Variants in TMEM108 observed in about 807,000 individuals in gnomAD.
The protein encoded by TMEM108 is cancer/testis antigen 124.
Under a neutral mutation model 35.1 loss-of-function variants are expected in TMEM108, and 12 were observed. The observed-to-expected ratio is 0.34, with a 90% CI of 0.22 to 0.55. TMEM108 has a LOEUF of 0.55. Among genes scored for constraint, TMEM108 ranks in the 20% least tolerant of loss-of-function variants. The pLI, the probability that TMEM108 is intolerant of heterozygous loss-of-function variation, is 0.89. For missense variants in TMEM108, 680 were observed against 753.3 expected, an observed-to-expected ratio of 0.90 and a Z score of 1.14; for synonymous variants, 287 against 308.6, an observed-to-expected ratio of 0.93 and a Z score of 0.73.
intron 2 of TMEM108, among the ~76,000 whole-genome samples, chr3:133,223,598 G>T (rs934522184): frequency 7.2e-5 from 11 of 152,222 alleles, no homozygotes; most frequent in Admixed American, 7.2e-4. Context: ...CTATTATATG[G>T]TTGAAAGAGG....
At chr3:133,141,467 C>T (rs1399243368) in intron 2 of TMEM108, among the ~76,000 whole-genome samples, 1 of 152,164 alleles carries the variant, frequency 6.6e-6, no homozygotes, top group Admixed American at 6.5e-5. Context: ...CTTCAGTCAC[C>T]TTAGATATAC....
rs1028105880 is a variant in TMEM108, at chr3:133,387,606, C to T, written c.1451-2574C>T. ...CCCAGGTTAGCAGCATGGCCTTGAG[C>T]AAGTTCACCTCTCTAGGTTTCCATG... On this transcript the variant is annotated intron_variant, in intron 4 of 5. Coordinates refer to ENST00000321871, the MANE Select transcript of TMEM108 (RefSeq NM_023943.4). The T allele has an allele frequency of 7.7e-6, 7 of 907,318 alleles. No individual in the cohort carries two copies. The African/African-American group carries it at 1.3e-4, about 16-fold the overall frequency. 56.2% of individuals were successfully genotyped at this position (907,318 alleles called of 1,614,324 possible). A position where few individuals can be genotyped will look rare whatever the true frequency, so the allele number is the denominator to read the frequency against.
intron 2 of TMEM108, among the ~76,000 whole-genome samples, chr3:133,138,126 T>C (rs1944590949): frequency 6.6e-6 from 1 of 151,848 alleles, no homozygotes; most frequent in South Asian, 2.1e-4. Flanking sequence ...GCCAAAAGAG[T>C]AGAGTATTTT....
intron 3 of TMEM108, among the ~76,000 whole-genome samples, chr3:133,266,799 G>A (rs112912425): frequency 5.3e-5 from 8 of 151,996 alleles, no homozygotes; most frequent in East Asian, 3.9e-4. Flanking sequence ...GTGGCCGGGC[G>A]TGGTGGCTCA....
intron 2 of TMEM108, among the ~76,000 whole-genome samples, chr3:133,084,676 C>G (rs992525407): frequency 6.6e-6 from 1 of 152,134 alleles, no homozygotes; most frequent in African/African-American, 2.4e-5. Flanking sequence ...AAGCACTTCA[C>G]ATATATTACG....
At position 133,290,900 on chromosome 3, in the gene TMEM108, G is replaced by A. The variant is rs528528995; in HGVS notation, c.40+61549G>A. ...CTCATTTGCAATGAGAAATGAAGAA[G>A]GGCCCAGAGATTTTATGCAAATAAG... On this transcript the variant is annotated intron_variant, in intron 3 of 5. Transcript: ENST00000321871. Among the ~76,000 whole-genome samples, 4 of 152,252 alleles carry A rather than the reference G, an allele frequency of 2.6e-5. No homozygotes were observed. In the East Asian group the frequency reaches 7.7e-4, roughly 29 times the overall value.
At chr3:133,296,812 T>C (rs531216529) in intron 3 of TMEM108, among the ~76,000 whole-genome samples, 1 of 152,332 alleles carries the variant, frequency 6.6e-6, no homozygotes, top group South Asian at 2.1e-4. Context: ...TAGGTTAGAA[T>C]GCAAAGCATG....
intron 3 of TMEM108, among the ~76,000 whole-genome samples, chr3:133,269,145 C>G (rs1027330952): frequency 6.6e-6 from 1 of 152,178 alleles, no homozygotes; most frequent in Admixed American, 6.5e-5. Flanking sequence ...TTCCACCTAC[C>G]TCTTTACAGT....
chr3:133,073,484 TTCTCTC>T (rs371623398), intron 2 of TMEM108, among the ~76,000 whole-genome samples: 2 of 55,632 alleles, frequency 3.6e-5, no homozygotes, highest in African/African-American at 1.1e-4. Flanking sequence ...TAGTATTCTA[TTCTCTC>T]TCTCTCTCTC....
At chr3:133,193,646 C>A (rs901276825) in intron 2 of TMEM108, among the ~76,000 whole-genome samples, 1 of 152,192 alleles carries the variant, frequency 6.6e-6, no homozygotes, top group Non-Finnish European at 1.5e-5. Flanking sequence ...GGCACACAGT[C>A]ATTGCACAAT....
chr3:133,209,858 C>A (rs966609236), intron 2 of TMEM108, among the ~76,000 whole-genome samples: 3 of 152,108 alleles, frequency 2.0e-5, no homozygotes, highest in Non-Finnish European at 4.4e-5. Flanking sequence ...TGGCTTCCCA[C>A]ACCCTCTTCA....
intron 2 of TMEM108, among the ~76,000 whole-genome samples, chr3:133,091,533 G>A (rs1471492505): frequency 6.6e-6 from 1 of 152,190 alleles, no homozygotes; most frequent in Non-Finnish European, 1.5e-5. Flanking sequence ...AGGAAACCAT[G>A]TGATGGGTGG....
At chr3:133,066,927 T>C (rs1362397978) in intron 2 of TMEM108, among the ~76,000 whole-genome samples, 1 of 152,216 alleles carries the variant, frequency 6.6e-6, no homozygotes, top group African/African-American at 2.4e-5. Flanking sequence ...TGCATGTTTT[T>C]TTCTGTGATC....
chr3:133,302,358 A>T (rs540963019), intron 3 of TMEM108, among the ~76,000 whole-genome samples: 1 of 152,248 alleles, frequency 6.6e-6, no homozygotes, highest in South Asian at 2.1e-4. Flanking sequence ...AGATATTCCA[A>T]AAACACTTAA....
At chr3:133,133,852 C>T (rs961864457) in intron 2 of TMEM108, among the ~76,000 whole-genome samples, 11 of 151,990 alleles carry the variant, frequency 7.2e-5, no homozygotes, top group African/African-American at 2.2e-4. Flanking sequence ...CAAACTCTGC[C>T]TCCCAGGTTC....
intron 2 of TMEM108, among the ~76,000 whole-genome samples, chr3:133,065,284 C>CCACACA (rs57783382): frequency 1.1e-4 from 16 of 149,938 alleles, no homozygotes; most frequent in Admixed American, 4.6e-4. Context: ...ACATAGGTAG[C>CCACACA]CACACACACA....
At chr3:133,171,241 T>A (rs1945126373) in intron 2 of TMEM108, among the ~76,000 whole-genome samples, 2 of 152,226 alleles carry the variant, frequency 1.3e-5, no homozygotes, top group South Asian at 4.1e-4. Flanking sequence ...ATGCATGTGA[T>A]GTGCTTTCAG....
At chr3:133,333,926 A>T (rs2071439600) in intron 3 of TMEM108, among the ~76,000 whole-genome samples, 1 of 152,128 alleles carries the variant, frequency 6.6e-6, no homozygotes, top group Admixed American at 6.5e-5. Context: ...CCATTAATTG[A>T]CTCTGTAAAC....
At chr3:133,162,396 T>C (rs1944973897) in intron 2 of TMEM108, among the ~76,000 whole-genome samples, 1 of 152,190 alleles carries the variant, frequency 6.6e-6, no homozygotes, top group Non-Finnish European at 1.5e-5. Context: ...GAAAAGAACA[T>C]GATACTAGTC....
Sources: gnomAD v4.1 joint callset for allele counts (sites outside exome capture counted in the v4.1 genomes callset) on GRCh38, gnomAD v4.1.1 for gene constraint, MANE v1.5 for transcripts, NCBI Gene and HGNC (gene_info 2026-07-23, HGNC 2026-07-21) for gene names.